Variants in MYO7B observed in about 807,000 individuals in gnomAD.
MYO7B encodes unconventional myosin-VIIb.
MYO7B carries 212 observed loss-of-function variants against 259.7 expected under a neutral mutation model. That is an observed-to-expected ratio of 0.82 (90% CI 0.73 to 0.91). MYO7B has a LOEUF of 0.91. MYO7B is among the 40% of genes least tolerant of loss of function. The probability of loss-of-function intolerance (pLI) is 0.00; values close to 1 mark genes in which losing one functional copy is unlikely to be tolerated. For synonymous variants in MYO7B, 1,197 were observed against 1,166.4 expected (o/e 1.03, Z -0.54); for missense variants, 2,732 against 2,813.5 (o/e 0.97, Z 0.66).
intron 1 of MYO7B, among the ~76,000 whole-genome samples, chr2:127,547,819 G>T (rs538923578): frequency 1.3e-5 from 2 of 152,282 alleles, no homozygotes; most frequent in South Asian, 4.1e-4. Context: ...TGGCATTAGA[G>T]TAACGCTGGC....
chr2:127,568,837 G>T (rs1399609096), intron 5 of MYO7B, among the ~76,000 whole-genome samples: 1 of 151,808 alleles, frequency 6.6e-6, no homozygotes, highest in Non-Finnish European at 1.5e-5. Context: ...GGCGGAGGTT[G>T]CAGTGAGCTG....
At chr2:127,603,796 T>C (rs1219918739) in intron 19 of MYO7B, among the ~76,000 whole-genome samples, 6 of 152,212 alleles carry the variant, frequency 3.9e-5, no homozygotes, top group Admixed American at 1.3e-4. Flanking sequence ...CCTAGAAAAG[T>C]CCTAGTGGCG....
chr2:127,584,893 AGGTGTACTAC>A lies in MYO7B; in HGVS notation c.1671_1680del (p.Glu557AspfsTer14), dbSNP rs760086936. 6.2e-7 allele frequency: 1 copy of A among 1,613,970 alleles called. No individual in the cohort carries two copies. Among genetic ancestry groups the A allele is most frequent in the African/African-American group, 1.3e-5 (1 of 75,028 alleles). On this transcript the variant is annotated frameshift_variant, in exon 14 of 48. Transcript: ENST00000409816. LOFTEE classifies it high-confidence loss of function. This position sits in a 1 kb window ranked among gnomAD's most constrained non-coding sequence, Gnocchi z 5.8. ...TTTGGCATTGCCCATTTTGCCGGCGAGGTGTACTACCAAGCAGAAGGTGGGTGCAGCTCTC... is the reference window on the plus strand; with the variant it reads ...TTTGGCATTGCCCATTTTGCCGGCGACAAGCAGAAGGTGGGTGCAGCTCTC...
intron 2 of MYO7B, among the ~76,000 whole-genome samples, chr2:127,562,780 C>T (rs1678161325): frequency 6.6e-6 from 1 of 152,046 alleles, no homozygotes; most frequent in Admixed American, 6.6e-5. Context: ...GCCACCACAC[C>T]CAGCCAATTT....
In MYO7B at chr2:127,625,552, C is replaced by T. The variant is rs1203839688; in HGVS notation, c.4215+17C>T. ...TGCGCCAAGGTCAGCCTGCATGCAG[C>T]TCAGGCACCCACCCGAGGGCTCTCC... On this transcript the variant is annotated intron_variant, in intron 31 of 47. Coordinates refer to ENST00000409816, the MANE Select transcript of MYO7B (RefSeq NM_001393586.1). 2 of 1,575,788 alleles carry T rather than the reference C, an allele frequency of 1.3e-6. No individual in the cohort carries two copies. Among genetic ancestry groups the T allele is most frequent in the African/African-American group, 2.7e-5 (2 of 73,982 alleles).
rs1249079843 is a variant in MYO7B at position 127,630,763 on chromosome 2, C to A, written c.4807-15C>A. 3 of 1,612,340 alleles carry A rather than the reference C, an allele frequency of 1.9e-6. No homozygotes were observed. The South Asian group carries it at 3.3e-5, about 18-fold the overall frequency. On this transcript the variant is annotated splice_polypyrimidine_tract_variant and intron_variant, in intron 35 of 47. Coordinates refer to ENST00000409816, the MANE Select transcript of MYO7B (RefSeq NM_001393586.1). Reference sequence around the variant, plus strand: ...CGGTGGCTCCTGGGCACCCACAGGCCTGTGCCCCCTTCAGAGCTTGCTTGC... The same window carrying A: ...CGGTGGCTCCTGGGCACCCACAGGCATGTGCCCCCTTCAGAGCTTGCTTGC...
chr2:127,581,743 G>A (rs1679108999), intron 10 of MYO7B, 148 bp from the exon 11 acceptor site: 2 of 1,039,684 alleles, frequency 1.9e-6, no homozygotes, highest in Non-Finnish European at 2.7e-6. Context: ...AGCTCCCAGG[G>A]CCCTGGCCCT....
chr2:127,557,886 A>C (rs2104839384), intron 1 of MYO7B, among the ~76,000 whole-genome samples: 1 of 152,348 alleles, frequency 6.6e-6, no homozygotes, highest in Admixed American at 6.5e-5. Context: ...AAAACTATAA[A>C]AATTCTAGAC....
chr2:127,605,711 G>A (rs1158137597), intron 19 of MYO7B, 133 bp from the exon 20 acceptor site: 3 of 772,444 alleles, frequency 3.9e-6, no homozygotes. Flanking sequence ...AACACCTTCT[G>A]AGAAAGGATT....
chr2:127,581,956 C>T lies in MYO7B; in HGVS notation c.1146C>T (p.Val382=). 4.3e-6 allele frequency: 7 copies of T among 1,613,922 alleles called. No homozygotes were observed. Among genetic ancestry groups the T allele is most frequent in the Non-Finnish European group, 5.9e-6 (7 of 1,179,874 alleles). The change falls in exon 11 of 48, where the codon GTC becomes GTT. Residue 382 remains valine, a synonymous_variant. Coordinates refer to ENST00000409816, the MANE Select transcript of MYO7B (RefSeq NM_001393586.1). Reference sequence around the variant, plus strand: ...CCATCCTCATCCGAGGGGAATTTGTCACCAGGTCCCTGAACATTGCCCAGG... The same window carrying T: ...CCATCCTCATCCGAGGGGAATTTGTTACCAGGTCCCTGAACATTGCCCAGG... ...KHTILIRGEF[V]TRSLNIAQAA... is the part of the protein sequence containing the mutation.
At chr2:127,537,625 C>T (rs1692835991) in intron 1 of MYO7B, among the ~76,000 whole-genome samples, 1 of 151,662 alleles carries the variant, frequency 6.6e-6, no homozygotes, top group Non-Finnish European at 1.5e-5. Context: ...TGCTTGAGCC[C>T]ACAACATGGG....
chr2:127,632,466 C>T (rs1681576986), intron 39 of MYO7B, 65 bp downstream of exon 39: 3 of 1,482,368 alleles, frequency 2.0e-6, no homozygotes, highest in East Asian at 4.9e-5. Flanking sequence ...TGCTGTGGGG[C>T]CTGGCCAGCC....
At chr2:127,633,230 C>G (rs755938929) in intron 39 of MYO7B, 28 bp from the exon 40 acceptor site, 46 of 1,555,184 alleles carry the variant, frequency 3.0e-5, no homozygotes, top group Non-Finnish European at 3.9e-5. Context: ...GTGGGGGTGG[C>G]ACCTGCAGCA....
At chr2:127,612,117 A>C in intron 24 of MYO7B, 133 bp from the exon 25 acceptor site, 1 of 432,996 alleles carries the variant, frequency 2.3e-6, no homozygotes, top group Admixed American at 2.4e-5. Context: ...GAGGGACTGC[A>C]TGGTGCTTTA....
rs1409661578 is a variant in MYO7B, at chr2:127,577,431, C to T, written c.850-702C>T. On this transcript the variant is annotated intron_variant, in intron 8 of 47. Coordinates refer to ENST00000409816, the MANE Select transcript of MYO7B (RefSeq NM_001393586.1). This position sits in a 1 kb window ranked among gnomAD's most constrained non-coding sequence, Gnocchi z 5.2. Reference sequence around the variant, plus strand: ...CTGTAGTGTCATGCTTTGGATGGCACTGCTGCAGTGACCCCTGCGGCTTGT... The same window carrying T: ...CTGTAGTGTCATGCTTTGGATGGCATTGCTGCAGTGACCCCTGCGGCTTGT... Among the ~76,000 whole-genome samples, 2 of 152,214 alleles carry T rather than the reference C, an allele frequency of 1.3e-5. No homozygotes were observed. The highest frequency in any genetic ancestry group is 2.9e-5 in the Non-Finnish European group (2 of 68,034).
At chr2:127,566,129 G>A (rs1472725732) in intron 4 of MYO7B, among the ~76,000 whole-genome samples, 1 of 152,182 alleles carries the variant, frequency 6.6e-6, no homozygotes, top group Non-Finnish European at 1.5e-5. Context: ...TGAAAACCAG[G>A]ACACCATGGT....
At position 127,590,482 on chromosome 2, in the gene MYO7B, G is replaced by GT. The variant is rs1323599124; in HGVS notation, c.1992+253_1992+254insT. Among the ~76,000 whole-genome samples the GT allele has an allele frequency of 6.6e-6, 1 of 152,212 alleles. No individual in the cohort carries two copies. Among genetic ancestry groups the GT allele is most frequent in the East Asian group, 1.9e-4 (1 of 5,202 alleles). On this transcript the variant is annotated intron_variant, in intron 16 of 47. Transcript: ENST00000409816. This position sits in a 1 kb window ranked among gnomAD's most constrained non-coding sequence, Gnocchi z 4.6. ...GCATCTTCTGTGCGTTCTTGGCCTG[G>GT]CTCTTTGCTGCTGTGAGCCTCAGTT... is the stretch of plus-strand genomic sequence containing the variant.
At chr2:127,610,595 C>T (rs560140660) in intron 24 of MYO7B, among the ~76,000 whole-genome samples, 5 of 152,366 alleles carry the variant, frequency 3.3e-5, no homozygotes, top group African/African-American at 9.6e-5. Flanking sequence ...AGAAGTCCTT[C>T]CTAAGGTCCA....
intron 18 of MYO7B, among the ~76,000 whole-genome samples, chr2:127,594,791 G>A (rs1343859521): frequency 6.6e-6 from 1 of 152,204 alleles, no homozygotes; most frequent in African/African-American, 2.4e-5. Context: ...ATTTGCATAT[G>A]TTGAACCAGT....
Sources: gnomAD v4.1 joint callset for allele counts (sites outside exome capture counted in the v4.1 genomes callset) on GRCh38, gnomAD v4.1.1 for gene constraint, Gnocchi (gnomAD v3.1) non-coding constraint, MANE v1.5 for transcripts, NCBI Gene and HGNC (gene_info 2026-07-23, HGNC 2026-07-21) for gene names.